Variants in PRH1 observed in about 807,000 individuals in gnomAD.
PRH1 encodes proline rich protein HaeIII subfamily 1, also known as salivary acidic proline-rich phosphoprotein 1/2.
A neutral mutation model predicts 7.9 loss-of-function variants in PRH1; 7 were observed. The observed-to-expected ratio is 0.89, with a 90% CI of 0.50 to 1.67. The LOEUF is 1.67. Among genes scored for constraint, PRH1 ranks in the 40% most tolerant of loss-of-function variants. PRH1 has a pLI of 0.00. For missense variants in PRH1, 109 were observed against 223.6 expected (o/e 0.49, Z 3.27); for synonymous variants, 45 against 80.8 (o/e 0.56, Z 2.38).
chr12:10,988,245 G>C (rs537742991), intron 1 of PRH1, among the ~76,000 whole-genome samples: 1 of 152,212 alleles, frequency 6.6e-6, no homozygotes, highest in South Asian at 2.1e-4. Flanking sequence ...GGTTTCTCTA[G>C]TAGAAAAACC....
chr12:11,018,046 C>T (rs1199864211), intron 1 of PRH1, among the ~76,000 whole-genome samples: 2 of 152,172 alleles, frequency 1.3e-5, no homozygotes, highest in Non-Finnish European at 2.9e-5. Flanking sequence ...TATAATATCT[C>T]TACAGCAGAT....
intron 2 of PRH1, among the ~76,000 whole-genome samples, chr12:10,935,434 T>C (rs889536927): frequency 7.9e-5 from 12 of 152,272 alleles, no homozygotes; most frequent in Middle Eastern, 3.4e-3. Flanking sequence ...TTGAGAACCA[T>C]TTACAGGGCT....
chr12:10,936,048 G>C (rs1489838239), intron 2 of PRH1, among the ~76,000 whole-genome samples: 1 of 151,890 alleles, frequency 6.6e-6, no homozygotes, highest in Non-Finnish European at 1.5e-5. Context: ...ATTTTCATGG[G>C]GCATTCGATG....
At chr12:10,899,729 T>C (rs1949698139) in intron 2 of PRH1, among the ~76,000 whole-genome samples, 1 of 152,166 alleles carries the variant, frequency 6.6e-6, no homozygotes, top group African/African-American at 2.4e-5. Flanking sequence ...ATAAACCTCT[T>C]TTATTTATAA....
intron 1 of PRH1, chr12:11,077,447 T>G (rs1361084287): frequency 1.3e-6 from 1 of 748,966 alleles, no homozygotes; most frequent in Non-Finnish European, 2.1e-6. Flanking sequence ...ATTCCAAGAG[T>G]TTGGCAAAGC....
intron 2 of PRH1, among the ~76,000 whole-genome samples, chr12:10,948,186 G>C (rs1382105137): frequency 6.6e-6 from 1 of 152,138 alleles, no homozygotes; most frequent in African/African-American, 2.4e-5. Flanking sequence ...AGCAAGGTTG[G>C]GAAAGAGTTC....
chr12:10,937,618 T>C (rs1950310231), intron 2 of PRH1: 1 of 152,170 alleles, frequency 6.6e-6, no homozygotes, highest in Non-Finnish European at 1.5e-5. Flanking sequence ...CATTTCATTA[T>C]ACAACTGATA....
intron 2 of PRH1, among the ~76,000 whole-genome samples, chr12:10,946,891 A>G (rs1950495865): frequency 6.6e-6 from 1 of 151,942 alleles, no homozygotes; most frequent in African/African-American, 2.4e-5. Flanking sequence ...AAATTTATCT[A>G]AAAGTCATCC....
chr12:11,109,549 C>G (rs1051705320), intron 1 of PRH1, among the ~76,000 whole-genome samples: 1 of 152,152 alleles, frequency 6.6e-6, no homozygotes. Flanking sequence ...GGACCTCCAG[C>G]AAACTACAGC....
chr12:10,900,936 G>T (rs556613176), intron 2 of PRH1, among the ~76,000 whole-genome samples: 7 of 152,224 alleles, frequency 4.6e-5, no homozygotes, highest in East Asian at 1.9e-4. Flanking sequence ...GTGCAATGGG[G>T]CCCTCTCTGC....
At chr12:11,030,548 A>C in intron 1 of PRH1, 1 of 1,614,220 alleles carries the variant, frequency 6.2e-7, no homozygotes, top group Non-Finnish European at 8.5e-7. Flanking sequence ...AGCTTTGCAG[A>C]ACATGAAGAC....
intron 2 of PRH1, among the ~76,000 whole-genome samples, chr12:10,933,610 A>G (rs995923884): frequency 2.0e-4 from 30 of 152,250 alleles, no homozygotes; most frequent in African/African-American, 7.0e-4. Context: ...AAAAAAAAAT[A>G]TGACCATCTC....
At chr12:11,021,780 G>A (rs1941645557) in intron 1 of PRH1, 2 of 1,614,248 alleles carry the variant, frequency 1.2e-6, no homozygotes, top group Non-Finnish European at 1.7e-6. Context: ...CAACAGTTTG[G>A]CAAAGCAGGA....
chr12:10,884,835 G>A (rs1225545483), upstream of PRH1, among the ~76,000 whole-genome samples: 1 of 152,178 alleles, frequency 6.6e-6, no homozygotes, highest in African/African-American at 2.4e-5. Flanking sequence ...AAAGGTGCTG[G>A]CAGCCTGCTC....
chr12:11,000,546 A>C (rs1456501226), intron 1 of PRH1, among the ~76,000 whole-genome samples: 1 of 152,066 alleles, frequency 6.6e-6, no homozygotes, highest in African/African-American at 2.4e-5. Flanking sequence ...ATTTTATGTT[A>C]ATTTGTTTTT....
intron 1 of PRH1, among the ~76,000 whole-genome samples, chr12:11,148,100 G>C (rs1347902854): frequency 6.9e-6 from 1 of 144,830 alleles, no homozygotes; most frequent in Non-Finnish European, 1.5e-5. Flanking sequence ...TCTGTTATTG[G>C]TGTATAAGAA....
chr12:11,061,628 C>A lies in PRH1; in HGVS notation n.124-14440G>T, dbSNP rs750263341. ...ACAGTTTGCAAAGCTTTTATGTGGA[C>A]CTTCATGCTGGGATCTTGAGATCCT... On this transcript the variant is annotated intron_variant and non_coding_transcript_variant, in intron 1 of 4. Coordinates refer to the PRH1 transcript ENST00000541977. The A allele has an allele frequency of 5.6e-6, 9 of 1,614,026 alleles. No homozygotes were observed. The highest frequency in any genetic ancestry group is 3.3e-4 in the Middle Eastern group (2 of 6,062).
At chr12:11,095,043 G>A (rs1214347018) in intron 1 of PRH1, among the ~76,000 whole-genome samples, 1 of 48,574 alleles carries the variant, frequency 2.1e-5, no homozygotes, top group East Asian at 3.5e-4. Context: ...AATCCTACAT[G>A]TTCCTCTTGT....
chr12:10,925,236 A>G (rs1950107978), intron 2 of PRH1, among the ~76,000 whole-genome samples: 1 of 152,168 alleles, frequency 6.6e-6, no homozygotes, highest in African/African-American at 2.4e-5. Context: ...AGCTCAGATA[A>G]CACCTTAGTA....
Sources: allele counts gnomAD v4.1 joint callset (sites outside exome capture counted in the v4.1 genomes callset), GRCh38; gene constraint gnomAD v4.1.1; transcripts MANE v1.5; gene names NCBI Gene and HGNC (gene_info 2026-07-23, HGNC 2026-07-21).